The following NTM variants were observed in gnomAD, a reference collection of about 807,000 sequenced individuals.
The protein encoded by NTM is IgLON family member 2.
NTM carries 13 observed loss-of-function variants against 42.1 expected under a neutral mutation model. The ratio of observed to expected loss-of-function variants is 0.31; its 90% CI spans 0.20 to 0.49. The LOEUF is 0.49. Among genes scored for constraint, NTM ranks in the 20% least tolerant of loss-of-function variants. The pLI, the probability that NTM is intolerant of heterozygous loss-of-function variation, is 0.99. For synonymous variants in NTM, 187 were observed against 179.2 expected (o/e 1.04, Z -0.35); for missense variants, 373 against 452.8 (o/e 0.82, Z 1.60).
At chr11:131,967,411 T>C (rs566876292) in intron 2 of NTM, among the ~76,000 whole-genome samples, 29 of 152,300 alleles carry the variant, frequency 1.9e-4, no homozygotes, top group African/African-American at 6.0e-4. Flanking sequence ...GCTTGTTTCA[T>C]TGATGCTTTT....
chr11:131,608,702 C>A (rs1166103778), intron 1 of NTM, among the ~76,000 whole-genome samples: 1 of 152,136 alleles, frequency 6.6e-6, no homozygotes, highest in Non-Finnish European at 1.5e-5. Context: ...CTCTCTCTCC[C>A]TTTTTTACAT....
rs866969406 is a variant in NTM, at chr11:131,711,765, A to C, written c.83-199799A>C. Among the ~76,000 whole-genome samples, 929 of 152,108 alleles carry C rather than the reference A, an allele frequency of 6.1e-3. 6 individuals carry two copies. Among genetic ancestry groups the C allele is most frequent in the African/African-American group, 0.021 (886 of 41,490 alleles). On this transcript the variant is annotated intron_variant, in intron 1 of 8. Coordinates refer to ENST00000683400, the MANE Select transcript of NTM (RefSeq NM_001352005.2). ...AACAATGATAGACTGGATTAAGAAA[A>C]TGTGGCACATATCCACCATGGAATA... is the stretch of plus-strand genomic sequence containing the variant.
At chr11:131,801,118 A>G (rs1422978669) in intron 1 of NTM, among the ~76,000 whole-genome samples, 1 of 152,178 alleles carries the variant, frequency 6.6e-6, no homozygotes, top group African/African-American at 2.4e-5. Context: ...ACAACACCCA[A>G]TGAGTCACCT....
At chr11:131,376,130 G>C (rs1941938633) in intron 1 of NTM, among the ~76,000 whole-genome samples, 1 of 152,178 alleles carries the variant, frequency 6.6e-6, no homozygotes. Context: ...TGTCTTCACA[G>C]TTCACAAGGA....
At chr11:132,263,663 T>A (rs2093005729) in intron 4 of NTM, among the ~76,000 whole-genome samples, 1 of 152,178 alleles carries the variant, frequency 6.6e-6, no homozygotes, top group African/African-American at 2.4e-5. Flanking sequence ...TTATTAGCAG[T>A]CAAGAGGAAT....
intron 1 of NTM, among the ~76,000 whole-genome samples, chr11:131,742,168 C>A (rs1350055235): frequency 6.6e-6 from 1 of 152,096 alleles, no homozygotes; most frequent in Non-Finnish European, 1.5e-5. Context: ...ACAACCAATC[C>A]CCATGACACA....
At chr11:131,684,888 A>C (rs1487125813) in intron 1 of NTM, among the ~76,000 whole-genome samples, 1 of 152,204 alleles carries the variant, frequency 6.6e-6, no homozygotes, top group Non-Finnish European at 1.5e-5. Context: ...GGAGGTGGGC[A>C]AGAAGACCAA....
At chr11:131,691,570 C>T (rs2074735314) in intron 1 of NTM, among the ~76,000 whole-genome samples, 1 of 150,928 alleles carries the variant, frequency 6.6e-6, no homozygotes. Context: ...CCCCCCCCGA[C>T]TTCCCTTCCA....
chr11:131,961,430 A>G (rs1044513696), intron 2 of NTM, among the ~76,000 whole-genome samples: 1 of 152,154 alleles, frequency 6.6e-6, no homozygotes, highest in African/African-American at 2.4e-5. Context: ...TGATGGGGAG[A>G]ATTAAAGCCC....
chr11:131,452,851 G>A (rs912801505), intron 1 of NTM, among the ~76,000 whole-genome samples: 2 of 152,182 alleles, frequency 1.3e-5, no homozygotes, highest in African/African-American at 4.8e-5. Context: ...GACTGAGGCT[G>A]CTACTTTATT....
chr11:131,963,453 G>C (rs1162869816), intron 2 of NTM, among the ~76,000 whole-genome samples: 2 of 152,214 alleles, frequency 1.3e-5, no homozygotes, highest in Non-Finnish European at 2.9e-5. Flanking sequence ...TATTATCTCT[G>C]TCTTTCAGGT....
intron 1 of NTM, among the ~76,000 whole-genome samples, chr11:131,558,870 G>A (rs542956107): frequency 3.3e-5 from 5 of 152,146 alleles, no homozygotes; most frequent in African/African-American, 9.6e-5. Context: ...TTGATTTCAG[G>A]TTTCTTATGT....
At chr11:132,272,551 C>T (rs1291353248) in intron 4 of NTM, among the ~76,000 whole-genome samples, 1 of 152,112 alleles carries the variant, frequency 6.6e-6, no homozygotes, top group Admixed American at 6.5e-5. Flanking sequence ...TAATGACATT[C>T]AATAATATTT....
At chr11:131,382,318 T>G (rs1942790144) in intron 1 of NTM, among the ~76,000 whole-genome samples, 2 of 152,176 alleles carry the variant, frequency 1.3e-5, no homozygotes, top group Non-Finnish European at 2.9e-5. Flanking sequence ...ATATCAAGAA[T>G]GACAGAGAAG....
At chr11:131,877,050 G>A (rs1326436847) in intron 1 of NTM, among the ~76,000 whole-genome samples, 1 of 152,070 alleles carries the variant, frequency 6.6e-6, no homozygotes, top group African/African-American at 2.4e-5. Flanking sequence ...GTAGAGATGG[G>A]GTTTCTCCAT....
At chr11:131,371,889 G>T (rs1223106195) in intron 1 of NTM, among the ~76,000 whole-genome samples, 4 of 152,236 alleles carry the variant, frequency 2.6e-5, no homozygotes, top group Non-Finnish European at 4.4e-5. Context: ...GCCCAGCAGG[G>T]CTCCGGGAGG....
intron 1 of NTM, among the ~76,000 whole-genome samples, chr11:131,572,187 A>G (rs2057505250): frequency 6.6e-6 from 1 of 152,152 alleles, no homozygotes; most frequent in African/African-American, 2.4e-5. Flanking sequence ...TCTCTTTCAG[A>G]AAGGATATCA....
intron 1 of NTM, among the ~76,000 whole-genome samples, chr11:131,776,582 A>AT (rs529812913): frequency 3.0e-3 from 446 of 147,278 alleles, no homozygotes; most frequent in East Asian, 8.5e-3. Context: ...TATTTTAGAC[A>AT]TTTTTTTTTT....
chr11:131,408,029 A>T (rs1322509225), intron 1 of NTM, among the ~76,000 whole-genome samples: 3 of 152,202 alleles, frequency 2.0e-5, no homozygotes, highest in Non-Finnish European at 2.9e-5. Context: ...ACAGTTAGTT[A>T]TTTCATTTAG....
Sources: gnomAD v4.1 joint callset for allele counts (sites outside exome capture counted in the v4.1 genomes callset) on GRCh38, gnomAD v4.1.1 for gene constraint, MANE v1.5 for transcripts, NCBI Gene and HGNC (gene_info 2026-07-23, HGNC 2026-07-21) for gene names.